The following ATAD2B variants were observed in gnomAD, a reference collection of about 807,000 sequenced individuals.
ATAD2B encodes ATPase family AAA domain containing 2B.
Under a neutral mutation model 167.6 loss-of-function variants are expected in ATAD2B, and 40 were observed. That is an observed-to-expected ratio of 0.24 (90% CI 0.19 to 0.31). ATAD2B has a LOEUF of 0.31. Among genes scored for constraint, ATAD2B ranks in the 10% least tolerant of loss-of-function variants. The pLI, the probability that ATAD2B is intolerant of heterozygous loss-of-function variation, is 1.00. For synonymous variants in ATAD2B, 579 were observed against 596.5 expected (o/e 0.97, Z 0.43); for missense variants, 1,242 against 1,757.2 (o/e 0.71, Z 5.24).
At chr2:23,905,759 TATTA>T (rs1701393641) in intron 1 of ATAD2B, among the ~76,000 whole-genome samples, 2 of 152,216 alleles carry the variant, frequency 1.3e-5, no homozygotes, top group South Asian at 4.1e-4. Context: ...TTCATAAGCT[TATTA>T]ATTACTTTCA....
chr2:23,867,993 T>A, intron 9 of ATAD2B, 47 bp from the exon 10 acceptor site: 1 of 1,250,834 alleles, frequency 8.0e-7, no homozygotes, highest in Non-Finnish European at 1.2e-6. Flanking sequence ...AAGTTTCACA[T>A]TTTTAATGTC....
the ATAD2B span, chr2:23,703,795 C>T: frequency 6.5e-7 from 1 of 1,537,470 alleles, no homozygotes; most frequent in Non-Finnish European, 8.7e-7. Context: ...GAGCTACCAC[C>T]ATCTACGACC....
chr2:23,752,347 A>G (rs898501836), intron 27 of ATAD2B, among the ~76,000 whole-genome samples: 5 of 151,904 alleles, frequency 3.3e-5, no homozygotes, highest in Non-Finnish European at 5.9e-5. Context: ...TATGCCAGTA[A>G]TATCAGTATG....
the ATAD2B span, among the ~76,000 whole-genome samples, chr2:23,727,571 C>A: frequency 9.9e-4 from 150 of 152,214 alleles, no homozygotes; most frequent in African/African-American, 3.5e-3. Context: ...TATACCTATA[C>A]CCAATGAGTT....
chr2:23,739,771 T>C, the ATAD2B span, among the ~76,000 whole-genome samples: 2 of 152,248 alleles, frequency 1.3e-5, no homozygotes, highest in Admixed American at 1.3e-4. Flanking sequence ...AGCTGGTTTT[T>C]TGAAAAGATC....
chr2:23,830,029 G>A (rs1224855206), intron 14 of ATAD2B, among the ~76,000 whole-genome samples: 2 of 152,022 alleles, frequency 1.3e-5, no homozygotes, highest in African/African-American at 2.4e-5. Flanking sequence ...CTATCACCCA[G>A]GCTGGAGTAC....
chr2:23,867,110 A>C (rs1179545804), intron 10 of ATAD2B, among the ~76,000 whole-genome samples: 1 of 152,186 alleles, frequency 6.6e-6, no homozygotes, highest in Non-Finnish European at 1.5e-5. Context: ...ATTACCTACA[A>C]GGTGCTTCCA....
chr2:23,812,540 T>G (rs557524953), intron 17 of ATAD2B, among the ~76,000 whole-genome samples: 6 of 152,150 alleles, frequency 3.9e-5, no homozygotes, highest in Admixed American at 3.3e-4. Context: ...GAAAGAACAA[T>G]CAAGTAAGAA....
chr2:23,875,551 G>A (rs1008066985), intron 8 of ATAD2B, among the ~76,000 whole-genome samples: 3 of 150,292 alleles, frequency 2.0e-5, no homozygotes. Flanking sequence ...GTAAAAGAAA[G>A]CATAATTAGG....
At chr2:23,899,303 CA>C (rs556774553) in intron 1 of ATAD2B, among the ~76,000 whole-genome samples, 85 of 67,364 alleles carry the variant, frequency 1.3e-3, no homozygotes, top group South Asian at 2.7e-3. Context: ...GACCCCATCT[CA>C]AAAAAAAAAA....
At chr2:23,926,526 C>G (rs1191095302) in intron 1 of ATAD2B, 29 bp downstream of exon 1, 1 of 1,534,668 alleles carries the variant, frequency 6.5e-7, no homozygotes, top group Non-Finnish European at 8.7e-7. Context: ...CACTTCCGAG[C>G]CTCCGGACTC....
intron 17 of ATAD2B, among the ~76,000 whole-genome samples, chr2:23,812,160 C>G (rs1685696594): frequency 6.6e-6 from 1 of 151,758 alleles, no homozygotes; most frequent in African/African-American, 2.4e-5. Context: ...TAAAGGATAT[C>G]ATTATGTAGT....
At chr2:23,896,031 A>C in intron 1 of ATAD2B, 61 bp from the exon 2 acceptor site, 1 of 1,417,904 alleles carries the variant, frequency 7.1e-7, no homozygotes, top group Non-Finnish European at 9.6e-7. Flanking sequence ...AATTGTTAAT[A>C]CTAGGGGCCA....
At chr2:23,845,340 A>G (rs1400730011) in intron 13 of ATAD2B, among the ~76,000 whole-genome samples, 2 of 152,206 alleles carry the variant, frequency 1.3e-5, no homozygotes, top group Admixed American at 1.3e-4. Context: ...GTATAGCCAT[A>G]CAATAAGAAT....
At chr2:23,686,010 C>T in the ATAD2B span, among the ~76,000 whole-genome samples, 5 of 152,158 alleles carry the variant, frequency 3.3e-5, no homozygotes, top group Admixed American at 6.5e-5. Flanking sequence ...TTTCAGAGAC[C>T]GCACATTGAA....
intron 18 of ATAD2B, among the ~76,000 whole-genome samples, chr2:23,802,789 G>C (rs1254889156): frequency 6.6e-6 from 1 of 152,004 alleles, no homozygotes; most frequent in African/African-American, 2.4e-5. Flanking sequence ...ATACACACAG[G>C]TAAGTACATT....
chr2:23,909,005 T>G lies in ATAD2B; in HGVS notation c.217-13035A>C, dbSNP rs544277704. Among the ~76,000 whole-genome samples, 15 of 133,066 alleles carry G rather than the reference T, an allele frequency of 1.1e-4. No homozygotes were observed. In the South Asian group the frequency reaches 4.0e-3, roughly 36 times the overall value. The allele number at this position is 133,066 out of a possible 152,430, so 87.3% of individuals were successfully genotyped here. A position where few individuals can be genotyped will look rare whatever the true frequency, so the allele number is the denominator to read the frequency against. ...GACTGTTGTGGGGTGGGGGGAGGGA[T>G]AGCATTGGGAGATATACCTAATGCT... On this transcript the variant is annotated intron_variant, in intron 1 of 27. Coordinates refer to ENST00000238789, the MANE Select transcript of ATAD2B (RefSeq NM_017552.4).
At chr2:23,744,889 T>C (rs1332495973), downstream of ATAD2B, among the ~76,000 whole-genome samples, 11 of 152,180 alleles carry the variant, frequency 7.2e-5, no homozygotes, top group Admixed American at 2.0e-4. Context: ...AAAAAAGAAC[T>C]AAAACAAGTA....
chr2:23,787,049 A>G (rs1413156026), intron 20 of ATAD2B, among the ~76,000 whole-genome samples: 4 of 151,188 alleles, frequency 2.6e-5, no homozygotes, highest in South Asian at 4.2e-4. Context: ...AGGGAGGGAA[A>G]AAAAAAAAAA....
Sources: allele counts gnomAD v4.1 joint callset (sites outside exome capture counted in the v4.1 genomes callset), GRCh38; gene constraint gnomAD v4.1.1; transcripts MANE v1.5; gene names NCBI Gene and HGNC (gene_info 2026-07-23, HGNC 2026-07-21).